Variants in CCDC174 observed in about 807,000 individuals in gnomAD.
CCDC174 encodes coiled-coil domain containing 174, also known as coiled-coil domain-containing protein 174.
CCDC174 carries 37 observed loss-of-function variants against 57.1 expected under a neutral mutation model. That is an observed-to-expected ratio of 0.65 (90% CI 0.50 to 0.85). CCDC174 has a LOEUF of 0.85. Among genes scored for constraint, CCDC174 ranks in the 40% least tolerant of loss-of-function variants. The pLI, the probability that CCDC174 is intolerant of heterozygous loss-of-function variation, is 0.00. For missense variants in CCDC174, 540 were observed against 574.3 expected (o/e 0.94, Z 0.61); for synonymous variants, 182 against 190.2 (o/e 0.96, Z 0.35).
Position 14,671,368 on chromosome 3 carries a change from G to T in CCDC174, c.*174G>T. 1 of 629,954 alleles carries T rather than the reference G, an allele frequency of 1.6e-6. No individual in the cohort carries two copies. The highest frequency in any genetic ancestry group is 2.7e-6 in the Non-Finnish European group (1 of 369,356). The allele number at this position is 629,954 out of a possible 1,614,324, so 39.0% of individuals were successfully genotyped here. ...AAGTTATGGAAACTTTGGCCACTTG[G>T]CTGTTCATTTTATTCTAAGTGGGAT... On this transcript the variant is annotated 3_prime_UTR_variant, in exon 11 of 11. Transcript: ENST00000383794.
At chr3:14,668,264 A>T in intron 9 of CCDC174, 83 bp downstream of exon 9, 1 of 1,335,096 alleles carries the variant, frequency 7.5e-7, no homozygotes, top group Non-Finnish European at 1.0e-6. Flanking sequence ...GGCAATGTGA[A>T]AATTAGCCAT....
In CCDC174 at chr3:14,655,603, A is replaced by G. The variant is rs550199620; in HGVS notation, c.222A>G (p.Glu74=). Residue 74 remains glutamate (E), a synonymous_variant, in exon 3 of 11, where the codon GAA becomes GAG. Transcript: ENST00000383794. ...AGAAGGATGCTGAACAGAAGATTGA[A>G]GAACAGAAGACTTTAGACAAAGCAA... ...RAEKDAEQKI[E]EQKTLDKARE... 13 of 1,609,984 alleles carry G rather than the reference A, an allele frequency of 8.1e-6. No homozygotes were observed. In the East Asian group the frequency reaches 2.9e-4, roughly 36 times the overall value.
rs754330099 is a variant in CCDC174, at chr3:14,671,212, A to C, written c.*18A>C. The C allele has an allele frequency of 5.0e-6, 8 of 1,593,688 alleles. No homozygotes were observed. The South Asian group carries it at 5.7e-5, about 11-fold the overall frequency. On this transcript the variant is annotated 3_prime_UTR_variant, in exon 11 of 11. Coordinates refer to ENST00000383794, the MANE Select transcript of CCDC174 (RefSeq NM_016474.5). ...TGACATGATCTTTCAAAGCACGCTGACTTGGGTTTGTACTTTGACAGTGCC... is the reference window on the plus strand; with the variant it reads ...TGACATGATCTTTCAAAGCACGCTGCCTTGGGTTTGTACTTTGACAGTGCC...
rs534562856 is a variant in CCDC174, at chr3:14,657,714, C to T, written c.249-1157C>T. On this transcript the variant is annotated intron_variant, in intron 3 of 10. Transcript: ENST00000383794. ...TCAGCACCCTCTGCTCTACTGGTCT[C>T]TCTTGAAAATGTCAAGCTCATCCTC... Among the ~76,000 whole-genome samples the T allele has an allele frequency of 6.6e-5, 10 of 152,344 alleles. No homozygotes were observed. In the East Asian group the frequency reaches 9.6e-4, roughly 15 times the overall value.
In CCDC174 at chr3:14,666,867, G is replaced by T; in HGVS notation, c.644G>T (p.Arg215Leu). 6.2e-7 allele frequency: 1 copy of T among 1,606,080 alleles called. No individual in the cohort carries two copies. Among genetic ancestry groups the T allele is most frequent in the Non-Finnish European group, 8.5e-7 (1 of 1,177,664 alleles). Reference sequence around the variant, plus strand: ...GAAGATATGAGAAAAGAACTTCAGCGCCAGCAATGGGAGGAAGAAGAAAGA... The same window carrying T: ...GAAGATATGAGAAAAGAACTTCAGCTCCAGCAATGGGAGGAAGAAGAAAGA... Reference protein sequence around the residue: ...LSEDMRKELQRQQWEEEEREA... With the variant: ...LSEDMRKELQLQQWEEEEREA... The change falls in exon 7 of 11, where the codon CGC (arginine) becomes CTC (leucine). Residue 215 changes from arginine to leucine, a missense_variant. Coordinates refer to ENST00000383794, the MANE Select transcript of CCDC174 (RefSeq NM_016474.5).
chr3:14,663,308 A>G (rs1027230384), intron 5 of CCDC174, among the ~76,000 whole-genome samples: 6 of 152,198 alleles, frequency 3.9e-5, no homozygotes, highest in African/African-American at 1.2e-4. Context: ...CGCCTGGCCT[A>G]TCATTTCTAA....
At chr3:14,666,656 T>C (rs2031351334) in intron 6 of CCDC174, 149 bp from the exon 7 acceptor site, 1 of 598,426 alleles carries the variant, frequency 1.7e-6, no homozygotes, top group Admixed American at 3.1e-5. Context: ...TTTTATTGAT[T>C]TTCCAGCAGT....
At chr3:14,670,211 C>A (rs965676290) in intron 10 of CCDC174, 125 bp downstream of exon 10, 19 of 928,774 alleles carry the variant, frequency 2.0e-5, no homozygotes, top group Non-Finnish European at 2.7e-5. Flanking sequence ...CTTTGGAATG[C>A]CATTTCTCAG....
chr3:14,671,474 G>T lies in CCDC174; in HGVS notation c.*280G>T. On this transcript the variant is annotated 3_prime_UTR_variant, in exon 11 of 11. Coordinates refer to ENST00000383794, the MANE Select transcript of CCDC174 (RefSeq NM_016474.5). ...TCTGTAAAATTAGACACTGAGATGT[G>T]CTTATAACCCTGTTTCATATCTACT... 1 of 374,440 alleles carries T rather than the reference G, an allele frequency of 2.7e-6. No individual in the cohort carries two copies. The highest frequency in any genetic ancestry group is 4.8e-6 in the Non-Finnish European group (1 of 208,120). The allele number at this position is 374,440 out of a possible 1,614,324, so 23.2% of individuals were successfully genotyped here.
At chr3:14,655,496 G>A (rs375173419) in intron 2 of CCDC174, 33 bp from the exon 3 acceptor site, 16 of 1,414,258 alleles carry the variant, frequency 1.1e-5, no homozygotes, top group African/African-American at 4.4e-5. Flanking sequence ...GCAATCATGT[G>A]GTTCTGTTTT....
At chr3:14,654,820 AATAGAG>A (rs2124830101) in intron 2 of CCDC174, among the ~76,000 whole-genome samples, 1 of 152,366 alleles carries the variant, frequency 6.6e-6, no homozygotes, top group South Asian at 2.1e-4. Context: ...TAGGTATCCA[AATAGAG>A]ATAAACAATT....
intron 10 of CCDC174, 138 bp from the exon 11 acceptor site, chr3:14,670,758 T>C (rs1158394648): frequency 1.4e-6 from 1 of 717,648 alleles, no homozygotes; most frequent in African/African-American, 1.8e-5. Context: ...TGTAATATAG[T>C]TTTGCTGTTG....
chr3:14,653,773 T>C (rs371603197), intron 1 of CCDC174, among the ~76,000 whole-genome samples: 1 of 152,232 alleles, frequency 6.6e-6, no homozygotes, highest in East Asian at 1.9e-4. Flanking sequence ...GGAGCTGTTA[T>C]AATTCACCCA....
In CCDC174 at chr3:14,669,925, A is replaced by G; in HGVS notation, c.953-9A>G. The G allele has an allele frequency of 3.1e-6, 5 of 1,613,400 alleles. No individual in the cohort carries two copies. Among genetic ancestry groups the G allele is most frequent in the Non-Finnish European group, 3.4e-6 (4 of 1,179,666 alleles). On this transcript the variant is annotated splice_polypyrimidine_tract_variant and intron_variant, in intron 9 of 10. Transcript: ENST00000383794. Reference sequence around the variant, plus strand: ...TTATAACAGTGTCTTATTCTTTTACAAAAAATAGATGGAGATGTTATTGGG... The same window carrying G: ...TTATAACAGTGTCTTATTCTTTTACGAAAAATAGATGGAGATGTTATTGGG...
rs765253479 is a variant in CCDC174, at chr3:14,666,835, A to G, written c.612A>G (p.Leu204=). 1.8e-5 allele frequency: 28 copies of G among 1,589,172 alleles called. No individual in the cohort carries two copies. Among genetic ancestry groups the G allele is most frequent in the Middle Eastern group, 1.7e-4 (1 of 5,928 alleles). ...TTAGTCCTGCTAATGAAAAAACCCT[A>G]TTATCTGAAGATATGAGAAAAGAAC... ...LFISPANEKT[L]LSEDMRKELQ... Residue 204 remains leucine, a synonymous_variant, in exon 7 of 11, where the codon CTA becomes CTG. Transcript: ENST00000383794.
chr3:14,667,434 A>G lies in CCDC174; in HGVS notation c.735A>G (p.Gln245=). ...YEDIRENEAR[Q]LGVGYFAFAR... ...TCATACTTCTTTCAGAGGCCCGGCA[A>G]CTTGGTGTTGGGTATTTTGCCTTTG... is the stretch of plus-strand genomic sequence containing the variant. The change falls in exon 8 of 11, where the codon CAA becomes CAG. Residue 245 remains glutamine (Q), a synonymous_variant. Transcript: ENST00000383794. 1 of 1,613,828 alleles carries G rather than the reference A, an allele frequency of 6.2e-7. No homozygotes were observed. The highest frequency in any genetic ancestry group is 8.5e-7 in the Non-Finnish European group (1 of 1,179,886).
intron 2 of CCDC174, 121 bp from the exon 3 acceptor site, chr3:14,655,408 A>C: frequency 1.7e-6 from 1 of 585,600 alleles, no homozygotes; most frequent in South Asian, 2.5e-5. Flanking sequence ...CAGCTTATCT[A>C]GTTATCTCCA....
chr3:14,671,667 C>G lies in CCDC174; in HGVS notation c.*473C>G, dbSNP rs2031517940. The G allele has an allele frequency of 6.5e-6, 1 of 154,218 alleles. No individual in the cohort carries two copies. The highest frequency in any genetic ancestry group is 2.4e-5 in the African/African-American group (1 of 41,478). The allele number at this position is 154,218 out of a possible 1,614,324, so 9.6% of individuals were successfully genotyped here. ...AAAACTGCATGGGAGGCAAAATGCT[C>G]TGTTCTCCAAGAGGACCCGGAAGTA... On this transcript the variant is annotated 3_prime_UTR_variant, in exon 11 of 11. Coordinates refer to ENST00000383794, the MANE Select transcript of CCDC174 (RefSeq NM_016474.5).
At chr3:14,658,178 G>A (rs1032862515) in intron 3 of CCDC174, among the ~76,000 whole-genome samples, 1 of 152,204 alleles carries the variant, frequency 6.6e-6, no homozygotes, top group African/African-American at 2.4e-5. Context: ...TCTCTAGAAT[G>A]GGAACTCCCA....
Sources: allele counts gnomAD v4.1 joint callset (sites outside exome capture counted in the v4.1 genomes callset), GRCh38; gene constraint gnomAD v4.1.1; transcripts MANE v1.5; gene names NCBI Gene and HGNC (gene_info 2026-07-23, HGNC 2026-07-21).